The following PEAR1 variants were observed in gnomAD, a reference collection of about 807,000 sequenced individuals.
PEAR1 encodes multiple EGF-like domains protein 12.
A neutral mutation model predicts 131.2 loss-of-function variants in PEAR1; 113 were observed. The ratio of observed to expected loss-of-function variants is 0.86; its 90% CI spans 0.74 to 1.01. The LOEUF is 1.01. PEAR1 is among the 50% of genes least tolerant of loss of function. The pLI, the probability that PEAR1 is intolerant of heterozygous loss-of-function variation, is 0.00. For missense variants in PEAR1, 1,408 were observed against 1,391.1 expected (o/e 1.01, Z -0.19); for synonymous variants, 565 against 523.3 (o/e 1.08, Z -1.09).
In PEAR1 at chr1:156,913,180, T is replaced by G; in HGVS notation, c.2423-14T>G. 1 of 1,611,824 alleles carries G rather than the reference T, an allele frequency of 6.2e-7. No homozygotes were observed. Among genetic ancestry groups the G allele is most frequent in the Non-Finnish European group, 8.5e-7 (1 of 1,178,640 alleles). The stretch of plus-strand genomic sequence containing the variant: ...CATCGCTGAGCTCACCCTGTGCTTG[T>G]GTCTGTCATGCAGATGTCCCTCCGA... On this transcript the variant is annotated splice_polypyrimidine_tract_variant and intron_variant, in intron 18 of 22. Coordinates refer to ENST00000292357, the MANE Select transcript of PEAR1 (RefSeq NM_001080471.3).
intron 18 of PEAR1, 46 bp downstream of exon 18, chr1:156,913,028 A>G: frequency 1.2e-6 from 2 of 1,604,880 alleles, no homozygotes; most frequent in Non-Finnish European, 1.7e-6. Context: ...GCTGGCTCAT[A>G]GGCACAAGAG....
rs778440938 is a variant in PEAR1 at position 156,914,649 on chromosome 1, C to T, written c.2965C>T (p.Arg989Ter). 14 of 1,610,542 alleles carry T rather than the reference C, an allele frequency of 8.7e-6. No individual in the cohort carries two copies. The highest frequency in any genetic ancestry group is 2.2e-5 in the East Asian group (1 of 44,822). ...TTATCTTGTCCTCATGTTTCCAGAC[C>T]GAGACTCTGTGGGCTCCCAGCCCCC... is the stretch of plus-strand genomic sequence containing the variant. ...YEQPSPLIHD[R>*]DSVGSQPPLP... is the part of the protein sequence containing the mutation. The change falls in exon 23 of 23, where the codon CGA (arginine) becomes TGA (stop). Residue 989 changes from arginine to a stop codon, truncating the protein, a stop_gained and splice_region_variant. Transcript: ENST00000292357. LOFTEE classifies it high-confidence loss of function.
In PEAR1 at chr1:156,904,023, G is replaced by C. The variant is rs1649954822; in HGVS notation, c.97G>C (p.Glu33Gln). 2 of 1,613,640 alleles carry C rather than the reference G, an allele frequency of 1.2e-6. No individual in the cohort carries two copies. Among genetic ancestry groups the C allele is most frequent in the African/African-American group, 2.7e-5 (2 of 75,018 alleles). ...PSDPNTCSFW[E>Q]SFTTTTKESH... The stretch of plus-strand genomic sequence containing the variant: ...TGATCCCAATACCTGCAGCTTCTGG[G>C]AAAGGTGAGAGGGCCCCTGCTGCAC... Residue 33 changes from glutamate (E) to glutamine (Q), a missense_variant, in exon 2 of 23, where the codon GAA becomes CAA. Transcript: ENST00000292357.
At chr1:156,907,475 G>A (rs1296072210) in intron 6 of PEAR1, 135 bp from the exon 7 acceptor site, 6 of 1,425,634 alleles carry the variant, frequency 4.2e-6, no homozygotes, top group East Asian at 2.5e-5. Context: ...TTTCTGACTC[G>A]ACAGTCCCCA....
Position 156,910,477 on chromosome 1 carries a change from C to T in PEAR1, c.1825+97C>T, listed in dbSNP as rs1650934320. On this transcript the variant is annotated intron_variant, in intron 14 of 22. Transcript: ENST00000292357. ...CTCCCCCCGCGCCCGCCGCCCACCTCTCCCACCTTACCCCCGGTCTCTTCC... is the reference window on the plus strand; with the variant it reads ...CTCCCCCCGCGCCCGCCGCCCACCTTTCCCACCTTACCCCCGGTCTCTTCC... 4 of 1,545,558 alleles carry T rather than the reference C, an allele frequency of 2.6e-6. No homozygotes were observed. The African/African-American group carries it at 4.1e-5, about 16-fold the overall frequency.
chr1:156,897,056 G>A (rs1009134549), intron 1 of PEAR1, among the ~76,000 whole-genome samples: 7 of 152,160 alleles, frequency 4.6e-5, no homozygotes, highest in African/African-American at 1.4e-4. Flanking sequence ...CCCATTCCTG[G>A]GAAAGTCAAG....
rs752264278 is a variant in PEAR1 at position 156,908,996 on chromosome 1, C to T, written c.1371C>T (p.Ile457=). The change falls in exon 11 of 23, where the codon ATC becomes ATT. Residue 457 remains isoleucine, a synonymous_variant. Coordinates refer to ENST00000292357, the MANE Select transcript of PEAR1 (RefSeq NM_001080471.3). The surrounding 1 kb of genome is among the most constrained non-coding windows in gnomAD (Gnocchi z 4.2). ...CSARCSCENA[I]ACSPIDGECV... Reference sequence around the variant, plus strand: ...CACGCTGCTCATGTGAAAATGCCATCGCCTGCTCACCCATCGACGGCGAGT... The same window carrying T: ...CACGCTGCTCATGTGAAAATGCCATTGCCTGCTCACCCATCGACGGCGAGT... 34 of 1,613,986 alleles carry T rather than the reference C, an allele frequency of 2.1e-5. No homozygotes were observed. Among genetic ancestry groups the T allele is most frequent in the Admixed American group, 3.3e-5 (2 of 60,000 alleles).
At position 156,904,973 on chromosome 1, in the gene PEAR1, G is replaced by A. The variant is rs183084387; in HGVS notation, c.206+121G>A. 7.1e-3 allele frequency: 11,037 copies of A among 1,557,922 alleles called. 53 individuals are homozygous for A. Among genetic ancestry groups the A allele is most frequent in the Middle Eastern group, 0.014 (87 of 6,002 alleles). ...TCAGAGGAAACTCCTGGCTTCTAGG[G>A]ATTCATTCTGCATGGTCTGTGTCGG... is the stretch of plus-strand genomic sequence containing the variant. On this transcript the variant is annotated intron_variant, in intron 3 of 22. Transcript: ENST00000292357.
At chr1:156,911,106 CTTTT>C (rs1558144148) in intron 15 of PEAR1, among the ~76,000 whole-genome samples, 2 of 98,358 alleles carry the variant, frequency 2.0e-5, no homozygotes, top group African/African-American at 9.6e-5. Flanking sequence ...TTCTTTCTTT[CTTTT>C]CTTTCTTCTT....
At chr1:156,906,440 C>T in intron 5 of PEAR1, 72 bp downstream of exon 5, 20 of 1,577,592 alleles carry the variant, frequency 1.3e-5, no homozygotes, top group Non-Finnish European at 1.6e-5. Flanking sequence ...GTACACCCTC[C>T]CTACCAGGGC....
At position 156,907,822 on chromosome 1, in the gene PEAR1, G is replaced by A. The variant is rs531421534; in HGVS notation, c.765+92G>A. 110 of 1,567,800 alleles carry A rather than the reference G, an allele frequency of 7.0e-5. 2 individuals carry two copies. In the South Asian group the frequency reaches 1.3e-3, roughly 18 times the overall value. On this transcript the variant is annotated intron_variant, in intron 7 of 22. Transcript: ENST00000292357. ...CAGGGCTCCAAGGTGAGTGAGGGGG[G>A]TGAGCTCTGTGGTTATGGGGGTGTC...
intron 3 of PEAR1, chr1:156,905,091 G>C (rs76344400): frequency 6.8e-6 from 8 of 1,179,392 alleles, no homozygotes; most frequent in Non-Finnish European, 9.7e-6. Context: ...TTGGGGGGGG[G>C]GCAAGAAGGG....
Position 156,902,983 on chromosome 1 carries a change from C to T in PEAR1, c.-9-935C>T, listed in dbSNP as rs1228408514. Among the ~76,000 whole-genome samples, 1 of 152,100 alleles carries T rather than the reference C, an allele frequency of 6.6e-6. No homozygotes were observed. The highest frequency in any genetic ancestry group is 2.4e-5 in the African/African-American group (1 of 41,388). ...TTGGTGACCTCTTCAGGTGATGGCA[C>T]CTAGAGTTGGGTGTTGTGGTGTGCT... is the stretch of plus-strand genomic sequence containing the variant. On this transcript the variant is annotated intron_variant, in intron 1 of 22. Transcript: ENST00000292357. The surrounding 1 kb of genome is among the most constrained non-coding windows in gnomAD (Gnocchi z 4.3).
In PEAR1 at chr1:156,909,861, G is replaced by A. The variant is rs375735178; in HGVS notation, c.1522G>A (p.Ala508Thr). The A allele has an allele frequency of 1.2e-5, 20 of 1,613,562 alleles. No individual in the cohort carries two copies. The African/African-American group carries it at 1.3e-4, about 11-fold the overall frequency. ...GGCAGTCTGCAGCCCCCAAACTGGAGCCTGTACCTGCACCCCTGGGTGGCA... is the reference window on the plus strand; with the variant it reads ...GGCAGTCTGCAGCCCCCAAACTGGAACCTGTACCTGCACCCCTGGGTGGCA... The part of the protein sequence containing the change: ...HEAVCSPQTG[A>T]CTCTPGWHGA... The change falls in exon 12 of 23, where the codon GCC becomes ACC. Residue 508 changes from alanine to threonine, a missense_variant. Ala to Thr is a moderately conservative substitution (Grantham distance 58). Coordinates refer to ENST00000292357, the MANE Select transcript of PEAR1 (RefSeq NM_001080471.3).
chr1:156,899,067 G>C (rs75709023), intron 1 of PEAR1, among the ~76,000 whole-genome samples: 1 of 152,140 alleles, frequency 6.6e-6, no homozygotes, highest in Non-Finnish European at 1.5e-5. Flanking sequence ...GAGGTCTGAG[G>C]TTCTGTTCCA....
Position 156,914,953 on chromosome 1 carries a change from C to G in PEAR1, c.*155C>G. On this transcript the variant is annotated 3_prime_UTR_variant, in exon 23 of 23. Transcript: ENST00000292357. ...CAGAGCAAGTGATGGGAGCCTTGTTCCTGGGTTCTACCATGGGAGACGCTG... is the reference window on the plus strand; with the variant it reads ...CAGAGCAAGTGATGGGAGCCTTGTTGCTGGGTTCTACCATGGGAGACGCTG... 1.2e-6 allele frequency: 1 copy of G among 845,838 alleles called. No homozygotes were observed. Among genetic ancestry groups the G allele is most frequent in the Non-Finnish European group, 1.7e-6 (1 of 583,950 alleles). The allele number at this position is 845,838 out of a possible 1,614,324, so 52.4% of individuals were successfully genotyped here. A position where few individuals can be genotyped will look rare whatever the true frequency, so the allele number is the denominator to read the frequency against.
intron 6 of PEAR1, among the ~76,000 whole-genome samples, 153 bp from the exon 7 acceptor site, chr1:156,907,457 A>G (rs6680819): frequency 0.18 from 26,872 of 152,030 alleles, 2,566 homozygotes; most frequent in East Asian, 0.4. Context: ...AGTCCTGGAA[A>G]CCTTTGCTTT....
chr1:156,910,797 A>G (rs1352623554), intron 15 of PEAR1, 54 bp downstream of exon 15: 9 of 1,602,492 alleles, frequency 5.6e-6, no homozygotes, highest in Middle Eastern at 3.3e-4. Flanking sequence ...GGGGGTGCTG[A>G]GGACGGGAGG....
At chr1:156,910,791 G>T (rs1358574845) in intron 15 of PEAR1, 48 bp downstream of exon 15, 26 of 1,607,624 alleles carry the variant, frequency 1.6e-5, no homozygotes, top group Non-Finnish European at 1.9e-5. Context: ...CTGAGAGGGG[G>T]TGCTGAGGAC....
Sources: allele counts gnomAD v4.1 joint callset (sites outside exome capture counted in the v4.1 genomes callset), GRCh38; gene constraint gnomAD v4.1.1; non-coding constraint Gnocchi (gnomAD v3.1); transcripts MANE v1.5; gene names NCBI Gene and HGNC (gene_info 2026-07-23, HGNC 2026-07-21).